Variants in CLIP1 observed in about 807,000 individuals in gnomAD.
CLIP1 encodes CAP-Gly domain containing linker protein 1.
CLIP1 carries 66 observed loss-of-function variants against 161.6 expected under a neutral mutation model. That is an observed-to-expected ratio of 0.41 (90% CI 0.33 to 0.50). The LOEUF (loss-of-function observed/expected upper bound fraction) is 0.50. CLIP1 is among the 20% of genes least tolerant of loss of function. CLIP1 has a pLI of 0.27. For missense variants in CLIP1, 1,376 were observed against 1,702.0 expected (o/e 0.81, Z 3.37); for synonymous variants, 598 against 626.2 (o/e 0.96, Z 0.67).
chr12:122,339,501 C>A (rs567577744), intron 11 of CLIP1, among the ~76,000 whole-genome samples: 1 of 152,062 alleles, frequency 6.6e-6, no homozygotes, highest in Non-Finnish European at 1.5e-5. Flanking sequence ...CCACACCTGG[C>A]TAATTTTTGT....
chr12:122,316,856 CTT>C lies in CLIP1; in HGVS notation c.3367-3_3367-2del. 1 of 1,514,386 alleles carries C rather than the reference CTT, an allele frequency of 6.6e-7. No homozygotes were observed. Among genetic ancestry groups the C allele is most frequent in the Non-Finnish European group, 8.9e-7 (1 of 1,126,348 alleles). The allele number at this position is 1,514,386 out of a possible 1,614,324, so 93.8% of individuals were successfully genotyped here. ...AGTTGTTTTCTTTAAGTGTGTCCAA[CTT>C]AAAGACCAAGAGAAAAAAACTTGAT... On this transcript the variant is annotated splice_acceptor_variant and splice_polypyrimidine_tract_variant and intron_variant, in intron 18 of 25. Coordinates refer to ENST00000620786, the MANE Select transcript of CLIP1 (RefSeq NM_001247997.2). LOFTEE classifies it high-confidence loss of function.
At chr12:122,337,907 C>T (rs1474055672) in intron 11 of CLIP1, among the ~76,000 whole-genome samples, 25 of 145,302 alleles carry the variant, frequency 1.7e-4, no homozygotes, top group African/African-American at 6.4e-4. Context: ...CCCAGCTACT[C>T]AGGAGGCTGA....
intron 3 of CLIP1, among the ~76,000 whole-genome samples, chr12:122,376,493 G>A (rs1954739999): frequency 6.6e-6 from 1 of 152,042 alleles, no homozygotes; most frequent in Non-Finnish European, 1.5e-5. Context: ...TTGAGACAGA[G>A]TCTCGCTCTG....
In CLIP1 at chr12:122,272,351, C is replaced by T. The variant is rs1299307763; in HGVS notation, c.*524G>A. 6.4e-6 allele frequency: 1 copy of T among 157,296 alleles called. No individual in the cohort carries two copies. Among genetic ancestry groups the T allele is most frequent in the African/African-American group, 2.4e-5 (1 of 41,430 alleles). 9.7% of individuals were successfully genotyped at this position (157,296 alleles called of 1,614,324 possible). On this transcript the variant is annotated 3_prime_UTR_variant, in exon 26 of 26. Coordinates refer to ENST00000620786, the MANE Select transcript of CLIP1 (RefSeq NM_001247997.2). ...TATCAAGCCTGAAGTAAAGGCACTA[C>T]TGATAACAGGTAGTGCAAAGAGCTC...
chr12:122,330,254 C>T (rs978014476), intron 15 of CLIP1, among the ~76,000 whole-genome samples: 2 of 152,160 alleles, frequency 1.3e-5, no homozygotes, highest in African/African-American at 4.8e-5. Context: ...AATGGAGCTT[C>T]TTGAAGGCAC....
At chr12:122,402,573 T>G (rs1412071282) in intron 1 of CLIP1, among the ~76,000 whole-genome samples, 1 of 152,082 alleles carries the variant, frequency 6.6e-6, no homozygotes, top group Non-Finnish European at 1.5e-5. Context: ...GTCAAGAGTT[T>G]GACAGCAGCC....
In CLIP1 at chr12:122,352,718, G is replaced by A; in HGVS notation, c.1368+8C>T. Reference sequence around the variant, plus strand: ...ATAAAAGCTGTAAGAGAGCTGGAGGGGTTTTACCTCAAGATCACCTTTGGT... The same window carrying A: ...ATAAAAGCTGTAAGAGAGCTGGAGGAGTTTTACCTCAAGATCACCTTTGGT... On this transcript the variant is annotated splice_region_variant and intron_variant, in intron 8 of 25. Coordinates refer to ENST00000620786, the MANE Select transcript of CLIP1 (RefSeq NM_001247997.2). The A allele has an allele frequency of 6.2e-7, 1 of 1,610,964 alleles. No individual in the cohort carries two copies. Among genetic ancestry groups the A allele is most frequent in the Non-Finnish European group, 8.5e-7 (1 of 1,177,302 alleles).
intron 20 of CLIP1, among the ~76,000 whole-genome samples, chr12:122,306,998 CTTTTTTTTTTT>C (rs56949793): frequency 4.6e-4 from 37 of 81,014 alleles, no homozygotes; most frequent in South Asian, 2.5e-3. Context: ...GGTAAGTTCA[CTTTTTTTTTTT>C]TTTTTTTTTT....
intron 2 of CLIP1, among the ~76,000 whole-genome samples, chr12:122,379,768 AC>A: frequency 6.6e-6 from 1 of 151,824 alleles, no homozygotes; most frequent in Admixed American, 6.6e-5. Context: ...ACATGGTGAA[AC>A]CCCATCTCCA....
intron 21 of CLIP1, chr12:122,280,082 ATT>A (rs113853333): frequency 1.4e-5 from 2 of 147,988 alleles, no homozygotes; most frequent in East Asian, 1.9e-4. Context: ...TGTTTTTTTT[ATT>A]TTTTTTTTTG....
In CLIP1 at chr12:122,333,155, G is replaced by A. The variant is rs1167002662; in HGVS notation, c.2711-12C>T. 3 of 1,592,178 alleles carry A rather than the reference G, an allele frequency of 1.9e-6. No individual in the cohort carries two copies. Among genetic ancestry groups the A allele is most frequent in the Middle Eastern group, 1.7e-4 (1 of 5,958 alleles). ...TTTTGCCTCCATATCTAAATATATA[G>A]AGAAAAAAAGAATAGCACGGCTGTG... is the stretch of plus-strand genomic sequence containing the variant. On this transcript the variant is annotated splice_polypyrimidine_tract_variant and intron_variant, in intron 14 of 25. Coordinates refer to ENST00000620786, the MANE Select transcript of CLIP1 (RefSeq NM_001247997.2).
chr12:122,273,994 A>C, intron 25 of CLIP1, 44 bp downstream of exon 25: 7 of 1,592,456 alleles, frequency 4.4e-6, no homozygotes, highest in Non-Finnish European at 4.3e-6. Flanking sequence ...CGGCCTCCCA[A>C]AGTGCTGGGA....
At position 122,281,617 on chromosome 12, in the gene CLIP1, G is replaced by A. The variant is rs147063143; in HGVS notation, c.3648-2472C>T. 6.4e-4 allele frequency among the ~76,000 whole-genome samples: 97 copies of A among 152,164 alleles called. 1 individual carries two copies. Among genetic ancestry groups the A allele is most frequent in the Admixed American group, 3.6e-3 (55 of 15,268 alleles). On this transcript the variant is annotated intron_variant, in intron 21 of 25. Transcript: ENST00000620786. The stretch of plus-strand genomic sequence containing the variant: ...AAGCTGAGGCGGGAGGATGGCTTGA[G>A]GCGGGAGGATGGCTTGAGCCCAGGA...
rs1051642354 is a variant in CLIP1, at chr12:122,339,706, G to A, written c.2451+1047C>T. ...CCTATAGATAAGCAATTACAGTCAT[G>A]CATTGCTTAAGAACCAGGATATCTT... On this transcript the variant is annotated intron_variant, in intron 11 of 25. Transcript: ENST00000620786. 7.9e-5 allele frequency among the ~76,000 whole-genome samples: 12 copies of A among 152,274 alleles called. No individual in the cohort carries two copies. The East Asian group carries it at 2.1e-3, about 27-fold the overall frequency.
At chr12:122,390,280 A>G (rs1307706150) in intron 1 of CLIP1, among the ~76,000 whole-genome samples, 3 of 25,812 alleles carry the variant, frequency 1.2e-4, no homozygotes, top group African/African-American at 2.5e-4. Flanking sequence ...ATATATATAC[A>G]TATATATATA....
Position 122,271,555 on chromosome 12 carries a change from G to A in CLIP1, c.*1320C>T, listed in dbSNP as rs1158701033. 6.6e-6 allele frequency: 1 copy of A among 152,548 alleles called. No individual in the cohort carries two copies. Among genetic ancestry groups the A allele is most frequent in the Non-Finnish European group, 1.5e-5 (1 of 68,030 alleles). The allele number at this position is 152,548 out of a possible 1,614,324, so 9.4% of individuals were successfully genotyped here. A position where few individuals can be genotyped will look rare whatever the true frequency, so the allele number is the denominator to read the frequency against. ...ACATTTATAACCAAAAATTTCAACTGGTACCAGATTGAATATTCACTGTCG... is the reference window on the plus strand; with the variant it reads ...ACATTTATAACCAAAAATTTCAACTAGTACCAGATTGAATATTCACTGTCG... On this transcript the variant is annotated 3_prime_UTR_variant, in exon 26 of 26. Coordinates refer to ENST00000620786, the MANE Select transcript of CLIP1 (RefSeq NM_001247997.2).
In CLIP1 at chr12:122,355,274, G is replaced by A. The variant is rs775419725; in HGVS notation, c.1044C>T (p.Ser348=). 21 of 1,614,058 alleles carry A rather than the reference G, an allele frequency of 1.3e-5. No homozygotes were observed. The highest frequency in any genetic ancestry group is 6.7e-5 in the Admixed American group (4 of 60,004). ...ETSSRYARKI[S]GTTALQEALK... is the part of the protein sequence containing the mutation. ...GGGCCTCCTGGAGGGCAGTGGTACC[G>A]GAGATCTTCCTGGCGTAACGGGAGG... Residue 348 remains serine, a synonymous_variant, in exon 6 of 26, where the codon TCC becomes TCT. Coordinates refer to ENST00000620786, the MANE Select transcript of CLIP1 (RefSeq NM_001247997.2). The surrounding 1 kb of genome is among the most constrained non-coding windows in gnomAD (Gnocchi z 4.1).
rs569160628 is a variant in CLIP1, at chr12:122,416,233, C to T, written c.-107+6288G>A. Among the ~76,000 whole-genome samples the T allele has an allele frequency of 3.3e-5, 5 of 152,090 alleles. No homozygotes were observed. In the South Asian group the frequency reaches 8.3e-4, roughly 25 times the overall value. On this transcript the variant is annotated intron_variant, in intron 1 of 25. Transcript: ENST00000620786. ...GCCTGGGTGATAGAAAAAAAAAGTC[C>T]TGAACAGTCCTGAACAGATGGATAG...
intron 11 of CLIP1, among the ~76,000 whole-genome samples, chr12:122,339,621 C>A (rs1343978421): frequency 6.6e-6 from 1 of 152,154 alleles, no homozygotes; most frequent in African/African-American, 2.4e-5. Flanking sequence ...CCTTGCCCGG[C>A]CAACATGTTA....
Sources: allele counts gnomAD v4.1 joint callset (sites outside exome capture counted in the v4.1 genomes callset), GRCh38; gene constraint gnomAD v4.1.1; non-coding constraint Gnocchi (gnomAD v3.1); transcripts MANE v1.5; gene names NCBI Gene and HGNC (gene_info 2026-07-23, HGNC 2026-07-21).